The following CASKIN2 variants were observed in gnomAD, a reference collection of about 807,000 sequenced individuals.
CASKIN2 encodes caskin-2.
Under a neutral mutation model 107.1 loss-of-function variants are expected in CASKIN2, and 41 were observed. The observed-to-expected ratio is 0.38, with a 90% confidence interval of 0.30 to 0.50. The LOEUF (loss-of-function observed/expected upper bound fraction) is 0.50. Among genes scored for constraint, CASKIN2 ranks in the 20% least tolerant of loss-of-function variants. The pLI, the probability that CASKIN2 is intolerant of heterozygous loss-of-function variation, is 0.92. For missense variants in CASKIN2, 1,546 were observed against 1,657.4 expected, an observed-to-expected ratio of 0.93 and a Z score of 1.17; for synonymous variants, 724 against 705.6, an observed-to-expected ratio of 1.03 and a Z score of -0.41.
Position 75,504,462 on chromosome 17 carries a change from C to G in CASKIN2, c.1333G>C (p.Glu445Gln), listed in dbSNP as rs1300526716. 1 of 1,608,384 alleles carries G rather than the reference C, an allele frequency of 6.2e-7. No homozygotes were observed. Among genetic ancestry groups the G allele is most frequent in the Non-Finnish European group, 8.5e-7 (1 of 1,176,336 alleles). Reference protein sequence around the residue: ...ENAQPLPSAGEDQVLPGLHPP... With the variant: ...ENAQPLPSAGQDQVLPGLHPP... ...TGGAGTCCTGGCAGCACCTGGTCCT[C>G]TCCAGCAGAGGGCAGTGGCTGGAGG... The change falls in exon 13 of 20, where the codon GAG becomes CAG. Residue 445 changes from glutamate to glutamine, a missense_variant. Physicochemically the swap from Glu to Gln is conservative, Grantham distance 29. Transcript: ENST00000321617.
intron 2 of CASKIN2, among the ~76,000 whole-genome samples, chr17:75,513,386 C>T (rs1437156983): frequency 1.3e-5 from 2 of 151,954 alleles, no homozygotes; most frequent in Non-Finnish European, 2.9e-5. Context: ...CGGAGGTTCC[C>T]GTGAGCCGAG....
chr17:75,510,093 G>A (rs2053303977), intron 2 of CASKIN2, among the ~76,000 whole-genome samples: 1 of 152,342 alleles, frequency 6.6e-6, no homozygotes, highest in African/African-American at 2.4e-5. Context: ...GGCGCTGGGG[G>A]TGGAAGGGTG....
intron 3 of CASKIN2, 103 bp from the exon 4 acceptor site, chr17:75,507,784 G>T: frequency 1.2e-6 from 1 of 858,928 alleles, no homozygotes; most frequent in East Asian, 2.7e-5. Context: ...GCAGGGATGG[G>T]TTACTGGCCC....
rs1425622379 is a variant in CASKIN2, at chr17:75,502,328, G to T, written c.2746C>A (p.Pro916Thr). The part of the protein sequence containing the change: ...TLSEPAGPSE[P>T]PGPPAPAGPA... ...CCAGCCGGGGCAGGTGGGCCAGGGG[G>T]CTCTGAGGGGCCAGCAGGTTCACTC... The change falls in exon 18 of 20, where the codon CCC becomes ACC. Residue 916 changes from proline (P) to threonine (T), a missense_variant. This residue lies in a region of CASKIN2 where 1,311 missense variants were observed against 1,311.0 expected (regional missense o/e 1.00). Coordinates refer to ENST00000321617, the MANE Select transcript of CASKIN2 (RefSeq NM_020753.5). The surrounding 1 kb of genome is among the most constrained non-coding windows in gnomAD (Gnocchi z 4.3). The T allele has an allele frequency of 1.4e-6, 2 of 1,481,054 alleles. No individual in the cohort carries two copies. Among genetic ancestry groups the T allele is most frequent in the Non-Finnish European group, 1.8e-6 (2 of 1,119,330 alleles). 91.7% of individuals were successfully genotyped at this position (1,481,054 alleles called of 1,614,324 possible).
rs1359801908 is a variant in CASKIN2 at position 75,505,794 on chromosome 17, G to A, written c.835+27C>T. The A allele has an allele frequency of 6.2e-7, 1 of 1,606,796 alleles. No homozygotes were observed. Among genetic ancestry groups the A allele is most frequent in the Admixed American group, 1.7e-5 (1 of 59,880 alleles). On this transcript the variant is annotated intron_variant, in intron 9 of 19. Transcript: ENST00000321617. The surrounding 1 kb of genome is among the most constrained non-coding windows in gnomAD (Gnocchi z 5.1). ...CCACTTGAGCGGCCCCAGGCCCCCT[G>A]GGCAGGGTATCCTCCCCCGCACTCA...
At position 75,503,455 on chromosome 17, in the gene CASKIN2, C is replaced by T. The variant is rs372405593; in HGVS notation, c.1753G>A (p.Asp585Asn). Residue 585 changes from aspartate to asparagine, a missense_variant, in exon 17 of 20, where the codon GAC becomes AAC. Transcript: ENST00000321617. ...YHKQLVSSGY[D>N]SMGLVADLTW... is the part of the protein sequence containing the mutation. ...AGGTCGGCCACCAGCCCCATGGAGT[C>T]GTAGCCGCTGCTCACCAGCTGCTTG... is the stretch of plus-strand genomic sequence containing the variant. The T allele has an allele frequency of 2.4e-5, 38 of 1,612,890 alleles. No homozygotes were observed. Among genetic ancestry groups the T allele is most frequent in the Middle Eastern group, 1.7e-4 (1 of 6,058 alleles).
chr17:75,507,971 C>T (rs947743123), intron 3 of CASKIN2: 3 of 585,154 alleles, frequency 5.1e-6, no homozygotes, highest in African/African-American at 3.7e-5. Context: ...GAAAAGGGGG[C>T]CCCAAAGGAA....
intron 2 of CASKIN2, among the ~76,000 whole-genome samples, chr17:75,512,264 C>T (rs934422078): frequency 6.6e-6 from 1 of 152,236 alleles, no homozygotes; most frequent in Admixed American, 6.5e-5. Flanking sequence ...GGGAACTCCT[C>T]CTGCCTCAGT....
chr17:75,506,018 A>C lies in CASKIN2; in HGVS notation c.727-89T>G, dbSNP rs2053261374. 1 of 1,177,374 alleles carries C rather than the reference A, an allele frequency of 8.5e-7. No individual in the cohort carries two copies. Among genetic ancestry groups the C allele is most frequent in the Admixed American group, 2.1e-5 (1 of 47,400 alleles). The allele number at this position is 1,177,374 out of a possible 1,614,324, so 72.9% of individuals were successfully genotyped here. ...AGCTACCCGGGACATAGGTACTATTACCATTTTCCGATTTTACAGATGAGG... is the reference window on the plus strand; with the variant it reads ...AGCTACCCGGGACATAGGTACTATTCCCATTTTCCGATTTTACAGATGAGG... On this transcript the variant is annotated intron_variant, in intron 8 of 19. Coordinates refer to ENST00000321617, the MANE Select transcript of CASKIN2 (RefSeq NM_020753.5). This position sits in a 1 kb window ranked among gnomAD's most constrained non-coding sequence, Gnocchi z 4.8.
intron 2 of CASKIN2, among the ~76,000 whole-genome samples, chr17:75,508,919 T>G (rs543063898): frequency 4.6e-5 from 7 of 152,316 alleles, no homozygotes; most frequent in Admixed American, 2.6e-4. Flanking sequence ...AGACAGGAGC[T>G]CTCAACATCT....
rs2053256346 is a variant in CASKIN2 at position 75,505,571 on chromosome 17, C to T, written c.916G>A (p.Gly306Arg). 6.2e-7 allele frequency: 1 copy of T among 1,613,514 alleles called. No individual in the cohort carries two copies. Among genetic ancestry groups the T allele is most frequent in the Non-Finnish European group, 8.5e-7 (1 of 1,179,982 alleles). The part of the protein sequence containing the change: ...HDPTALNVRA[G>R]DVITVLEQHP... ...GGGTCCCTCACCGTGATGACATCCCCTGCCCGGACATTGAGAGCAGTGGGA... is the reference window on the plus strand; with the variant it reads ...GGGTCCCTCACCGTGATGACATCCCTTGCCCGGACATTGAGAGCAGTGGGA... The change falls in exon 10 of 20, where the codon GGG becomes AGG. Residue 306 changes from glycine to arginine, a missense_variant. Around this residue, in one of 6 missense-constraint regions of CASKIN2, gnomAD observed 1,311 missense variants for 1,311.0 expected, o/e 1.00. Coordinates refer to ENST00000321617, the MANE Select transcript of CASKIN2 (RefSeq NM_020753.5). The surrounding 1 kb of genome is among the most constrained non-coding windows in gnomAD (Gnocchi z 5.1).
chr17:75,503,710 G>A lies in CASKIN2; in HGVS notation c.1629C>T (p.Ala543=). 3.7e-6 allele frequency: 6 copies of A among 1,612,592 alleles called. No individual in the cohort carries two copies. The highest frequency in any genetic ancestry group is 4.2e-6 in the Non-Finnish European group (5 of 1,180,010). ...VTKPGHRKKI[A]SEIAQLSIAE... ...CGATGCTGAGCTGAGCGATCTCTGA[G>A]GCGATCTTCTTCCTGTGCCCAGGCT... is the stretch of plus-strand genomic sequence containing the variant. Residue 543 remains alanine, a synonymous_variant, in exon 16 of 20, where the codon GCC becomes GCT. Coordinates refer to ENST00000321617, the MANE Select transcript of CASKIN2 (RefSeq NM_020753.5).
Position 75,503,263 on chromosome 17 carries a change from G to T in CASKIN2, c.1820-9C>A. ...GAGCTTCTTCTGATGCCCTGAGATG[G>T]GGGACGGAAGTGGCAAGGTTAGCTG... On this transcript the variant is annotated splice_polypyrimidine_tract_variant and intron_variant, in intron 17 of 19. Coordinates refer to ENST00000321617, the MANE Select transcript of CASKIN2 (RefSeq NM_020753.5). 1 of 1,579,272 alleles carries T rather than the reference G, an allele frequency of 6.3e-7. No homozygotes were observed.
rs747384453 is a variant in CASKIN2, at chr17:75,508,198, C to G, written c.146+36G>C. The G allele has an allele frequency of 3.7e-6, 6 of 1,612,566 alleles. No homozygotes were observed. In the South Asian group the frequency reaches 5.5e-5, roughly 15 times the overall value. On this transcript the variant is annotated intron_variant, in intron 3 of 19. Transcript: ENST00000321617. Reference sequence around the variant, plus strand: ...CCCCTGGGGCTCTACTGCCCCCACCCAGCAGCTCTGCAGAGGGACAGGGGC... The same window carrying G: ...CCCCTGGGGCTCTACTGCCCCCACCGAGCAGCTCTGCAGAGGGACAGGGGC...
At position 75,500,975 on chromosome 17, in the gene CASKIN2, C is replaced by T. The variant is rs573048756; in HGVS notation, c.*105G>A. 213 of 1,133,436 alleles carry T rather than the reference C, an allele frequency of 1.9e-4. 2 individuals carry two copies. In the African/African-American group the frequency reaches 2.7e-3, roughly 14 times the overall value. The allele number at this position is 1,133,436 out of a possible 1,614,324, so 70.2% of individuals were successfully genotyped here. A position where few individuals can be genotyped will look rare whatever the true frequency, so the allele number is the denominator to read the frequency against. On this transcript the variant is annotated 3_prime_UTR_variant, in exon 20 of 20. Transcript: ENST00000321617. Reference sequence around the variant, plus strand: ...AGGGGCCCTGCTAGGAGGGGCACTTCAGCCTGACCAGCCCTTGGCCCGTCC... The same window carrying T: ...AGGGGCCCTGCTAGGAGGGGCACTTTAGCCTGACCAGCCCTTGGCCCGTCC...
chr17:75,505,778 C>G lies in CASKIN2; in HGVS notation c.835+43G>C. The G allele has an allele frequency of 1.3e-6, 2 of 1,588,196 alleles. No homozygotes were observed. The highest frequency in any genetic ancestry group is 1.1e-5 in the South Asian group (1 of 90,112). ...CCTCCACATCCTGGTACCACTTGAG[C>G]GGCCCCAGGCCCCCTGGGCAGGGTA... On this transcript the variant is annotated intron_variant, in intron 9 of 19. Coordinates refer to ENST00000321617, the MANE Select transcript of CASKIN2 (RefSeq NM_020753.5). This position sits in a 1 kb window ranked among gnomAD's most constrained non-coding sequence, Gnocchi z 5.1.
chr17:75,508,231 C>T lies in CASKIN2; in HGVS notation c.146+3G>A. ...CTGCAGAGGGACAGGGGCTCCCACT[C>T]ACCCATCAGCATCCTGGTAGTTCAC... is the stretch of plus-strand genomic sequence containing the variant. On this transcript the variant is annotated splice_donor_region_variant and intron_variant, in intron 3 of 19. Transcript: ENST00000321617. 3 of 1,613,904 alleles carry T rather than the reference C, an allele frequency of 1.9e-6. No homozygotes were observed. Among genetic ancestry groups the T allele is most frequent in the Middle Eastern group, 3.3e-4 (2 of 6,062 alleles).
chr17:75,504,441 G>A lies in CASKIN2; in HGVS notation c.1354C>T (p.Leu452Phe). ...SAGEDQVLPG[L>F]HPPSLADNLS... ...CTACCTGCCAGGGACGGCGGGTGGA[G>A]TCCTGGCAGCACCTGGTCCTCTCCA... is the stretch of plus-strand genomic sequence containing the variant. The change falls in exon 13 of 20, where the codon CTC (leucine) becomes TTC (phenylalanine). Residue 452 changes from leucine (L) to phenylalanine (F), a missense_variant. This residue lies in a region of CASKIN2 where 1,311 missense variants were observed against 1,311.0 expected (regional missense o/e 1.00). Coordinates refer to ENST00000321617, the MANE Select transcript of CASKIN2 (RefSeq NM_020753.5). The A allele has an allele frequency of 6.2e-7, 1 of 1,607,668 alleles. No individual in the cohort carries two copies.
At position 75,502,060 on chromosome 17, in the gene CASKIN2, G is replaced by A. The variant is rs200898448; in HGVS notation, c.3014C>T (p.Ala1005Val). ...ACTGGCCACTCCGAAGGCCAGCAGT[G>A]CGGTCTGCAGTGGCTCTCTCTCCCG... ...KCREREPLQT[A>V]LLAFGVASAT... The change falls in exon 18 of 20, where the codon GCA becomes GTA. Residue 1005 changes from alanine to valine, a missense_variant. Ala to Val is a moderately conservative substitution (Grantham distance 64). This residue lies in a region of CASKIN2 where 1,311 missense variants were observed against 1,311.0 expected (regional missense o/e 1.00). Transcript: ENST00000321617. The surrounding 1 kb of genome is among the most constrained non-coding windows in gnomAD (Gnocchi z 4.3). 9.9e-6 allele frequency: 16 copies of A among 1,612,150 alleles called. No individual in the cohort carries two copies. Among genetic ancestry groups the A allele is most frequent in the Non-Finnish European group, 1.4e-5 (16 of 1,179,908 alleles).
Sources: allele counts gnomAD v4.1 joint callset (sites outside exome capture counted in the v4.1 genomes callset), GRCh38; gene constraint gnomAD v4.1.1; regional missense constraint gnomAD v4.1.1; non-coding constraint Gnocchi (gnomAD v3.1); transcripts MANE v1.5; gene names NCBI Gene and HGNC (gene_info 2026-07-23, HGNC 2026-07-21).